Variants in IDUA observed in about 807,000 individuals in gnomAD.
The protein encoded by IDUA is alpha-L-iduronidase.
In IDUA, 65 loss-of-function variants were observed where a neutral mutation model predicts 68.9. The ratio of observed to expected loss-of-function variants is 0.94; its 90% CI spans 0.77 to 1.16. The LOEUF (loss-of-function observed/expected upper bound fraction) is 1.16. Among genes scored for constraint, IDUA ranks in the 50% most tolerant of loss-of-function variants. IDUA has a pLI of 0.00. For synonymous variants in IDUA, 529 were observed against 433.6 expected, an observed-to-expected ratio of 1.22 and a Z score of -2.73; for missense variants, 1,046 against 938.0, an observed-to-expected ratio of 1.12 and a Z score of -1.50.
At chr4:1,003,695 C>A (rs983078298) in intron 12 of IDUA, 70 bp downstream of exon 12, 2 of 1,553,810 alleles carry the variant, frequency 1.3e-6, no homozygotes, top group Non-Finnish European at 1.8e-6. Flanking sequence ...CCCCTTCACC[C>A]ATGCGGTCAC....
chr4:1,002,313 C>T lies in IDUA; in HGVS notation c.1017C>T (p.Ser339=). 1.2e-6 allele frequency: 2 copies of T among 1,613,134 alleles called. No individual in the cohort carries two copies. The highest frequency in any genetic ancestry group is 1.7e-6 in the Non-Finnish European group (2 of 1,179,696). ...ACCTGCTACTGGCCAACACCACCTC[C>T]GCCTTCCCCTACGCGCTCCTGAGCA... ...HQNLLLANTT[S]AFPYALLSND... Residue 339 remains serine, a synonymous_variant, in exon 8 of 14, where the codon TCC becomes TCT. Coordinates refer to ENST00000514224, the MANE Select transcript of IDUA (RefSeq NM_000203.5).
chr4:992,578 C>T, intron 2 of IDUA: 12 of 214,742 alleles, frequency 5.6e-5, no homozygotes, highest in Admixed American at 1.1e-4. Flanking sequence ...CCAGACAGTT[C>T]TGGGACGTGA....
At chr4:987,735 C>T in intron 1 of IDUA, 74 bp from the exon 2 acceptor site, 1 of 1,601,514 alleles carries the variant, frequency 6.2e-7, no homozygotes, top group South Asian at 1.1e-5. Flanking sequence ...CAGTCCTGGG[C>T]TTGAACGTGT....
intron 2 of IDUA, chr4:989,793 G>T: frequency 1.3e-6 from 2 of 1,570,908 alleles, no homozygotes; most frequent in African/African-American, 2.7e-5. Context: ...GCACGTTGCA[G>T]CAGCCCACAG....
intron 2 of IDUA, chr4:991,864 C>G: frequency 6.7e-7 from 1 of 1,500,484 alleles, no homozygotes. Context: ...TGGGCCTTCT[C>G]CTGGCAGCGC....
At position 991,985 on chromosome 4, in the gene IDUA, G is replaced by A. The variant is rs536831409; in HGVS notation, c.299+4036G>A. Reference sequence around the variant, plus strand: ...CCAAGCCCATGCCATGGGGTGTGCTGAGGCCAGCAGTGCTGAGGGGCGGCG... The same window carrying A: ...CCAAGCCCATGCCATGGGGTGTGCTAAGGCCAGCAGTGCTGAGGGGCGGCG... On this transcript the variant is annotated intron_variant, in intron 2 of 13. Coordinates refer to ENST00000514224, the MANE Select transcript of IDUA (RefSeq NM_000203.5). 36 of 708,736 alleles carry A rather than the reference G, an allele frequency of 5.1e-5. 1 individual carries two copies. In the South Asian group the frequency reaches 5.4e-4, roughly 11 times the overall value. 43.9% of individuals were successfully genotyped at this position (708,736 alleles called of 1,614,324 possible).
intron 2 of IDUA, 134 bp from the exon 3 acceptor site, chr4:1,000,478 C>T (rs1715004945): frequency 2.7e-6 from 2 of 737,294 alleles, no homozygotes; most frequent in Non-Finnish European, 4.9e-6. Context: ...GGGAAGGGCC[C>T]CTCGGGAAGC....
intron 2 of IDUA, among the ~76,000 whole-genome samples, chr4:994,022 C>T (rs578256785): frequency 6.6e-6 from 1 of 152,244 alleles, no homozygotes; most frequent in Admixed American, 6.5e-5. Flanking sequence ...GCTCCTCTGC[C>T]CTCCCCTCTA....
chr4:989,702 G>C, intron 2 of IDUA: 1 of 1,559,984 alleles, frequency 6.4e-7, no homozygotes, highest in Non-Finnish European at 8.7e-7. Context: ...CTGGACAGCT[G>C]TGTCCGGCAG....
chr4:990,309 T>A lies in IDUA; in HGVS notation c.299+2360T>A, dbSNP rs757672514. ...CCCCCATGGCAAAGCCATCGAGCAG[T>A]GGCTGTGAGAGGTAGGCGGACACGA... On this transcript the variant is annotated intron_variant, in intron 2 of 13. Transcript: ENST00000514224. The A allele has an allele frequency of 3.1e-6, 5 of 1,605,050 alleles. No individual in the cohort carries two copies. In the South Asian group the frequency reaches 5.6e-5, roughly 18 times the overall value.
At chr4:992,014 CG>C (rs1232256795) in intron 2 of IDUA, 15 of 631,426 alleles carry the variant, frequency 2.4e-5, no homozygotes, top group Non-Finnish European at 4.4e-5. Context: ...GGCGGCGTGG[CG>C]GCACCCTGTC....
At chr4:989,879 C>A (rs756246013) in intron 2 of IDUA, 3 of 1,571,440 alleles carry the variant, frequency 1.9e-6, no homozygotes, top group Admixed American at 1.9e-5. Context: ...ATGGAGAAGG[C>A]GGCAGCCACG....
chr4:996,337 G>C (rs1714743996), intron 2 of IDUA, among the ~76,000 whole-genome samples: 1 of 152,216 alleles, frequency 6.6e-6, no homozygotes, highest in Non-Finnish European at 1.5e-5. Flanking sequence ...AGGGGGCTGG[G>C]GTTGTTCCCT....
At chr4:998,854 C>G (rs192331870) in intron 2 of IDUA, among the ~76,000 whole-genome samples, 2 of 151,038 alleles carry the variant, frequency 1.3e-5, no homozygotes, top group African/African-American at 4.9e-5. Context: ...ACAGCCACCA[C>G]CCAGTCTGGG....
chr4:990,332 C>T lies in IDUA; in HGVS notation c.299+2383C>T, dbSNP rs200417386. 7.9e-5 allele frequency: 126 copies of T among 1,603,642 alleles called. No individual in the cohort carries two copies. The highest frequency in any genetic ancestry group is 2.7e-4 in the Admixed American group (16 of 58,532). On this transcript the variant is annotated intron_variant, in intron 2 of 13. Coordinates refer to ENST00000514224, the MANE Select transcript of IDUA (RefSeq NM_000203.5). Reference sequence around the variant, plus strand: ...AGTGGCTGTGAGAGGTAGGCGGACACGAAGCCCAGCCGGAGGACGCCCATG... The same window carrying T: ...AGTGGCTGTGAGAGGTAGGCGGACATGAAGCCCAGCCGGAGGACGCCCATG...
chr4:995,402 A>T (rs538223795), intron 2 of IDUA, among the ~76,000 whole-genome samples: 1 of 150,776 alleles, frequency 6.6e-6, no homozygotes, highest in East Asian at 1.9e-4. Context: ...CCCGACTTTG[A>T]CAGTGAGTAC....
At chr4:1,000,580 C>T in intron 2 of IDUA, 32 bp from the exon 3 acceptor site, 1 of 1,561,850 alleles carries the variant, frequency 6.4e-7, no homozygotes, top group Non-Finnish European at 8.8e-7. Context: ...GTGTGGGCAC[C>T]CTGCTTCCTG....
chr4:997,823 G>A (rs1371634848), intron 2 of IDUA, among the ~76,000 whole-genome samples: 2 of 152,230 alleles, frequency 1.3e-5, no homozygotes, highest in African/African-American at 4.8e-5. Flanking sequence ...CCTGTCCCGG[G>A]CTCCCCTCGC....
chr4:992,316 C>T, intron 2 of IDUA: 1 of 410,648 alleles, frequency 2.4e-6, no homozygotes, highest in South Asian at 1.7e-5. Flanking sequence ...CTCCTGGAGA[C>T]ACCTCCACCC....
Sources: allele counts gnomAD v4.1 joint callset (sites outside exome capture counted in the v4.1 genomes callset), GRCh38; gene constraint gnomAD v4.1.1; transcripts MANE v1.5; gene names NCBI Gene and HGNC (gene_info 2026-07-23, HGNC 2026-07-21).